The following GPC5 variants were observed in gnomAD, a reference collection of about 807,000 sequenced individuals.
The protein encoded by GPC5 is glypican-5.
GPC5 carries 47 observed loss-of-function variants against 53.9 expected under a neutral mutation model. The ratio of observed to expected loss-of-function variants is 0.87; its 90% CI spans 0.69 to 1.11. The LOEUF (loss-of-function observed/expected upper bound fraction) is 1.11, where lower values mean the gene tolerates loss of function less well. GPC5 is among the 50% of genes most tolerant of loss of function. The pLI, the probability that GPC5 is intolerant of heterozygous loss-of-function variation, is 0.00. For synonymous variants in GPC5, 286 were observed against 263.3 expected (o/e 1.09, Z -0.84); for missense variants, 748 against 713.1 (o/e 1.05, Z -0.56).
chr13:92,162,941 A>C (rs2042000804), intron 7 of GPC5, among the ~76,000 whole-genome samples: 1 of 152,136 alleles, frequency 6.6e-6, no homozygotes, highest in Admixed American at 6.6e-5. Flanking sequence ...ATATAATTAC[A>C]CTGAATTTAG....
chr13:92,369,577 C>G (rs1489970802), intron 7 of GPC5, among the ~76,000 whole-genome samples: 2 of 152,164 alleles, frequency 1.3e-5, no homozygotes, highest in African/African-American at 4.8e-5. Flanking sequence ...ATGAATGATA[C>G]AGTGGAGATG....
chr13:91,630,616 A>G (rs1049646459), intron 2 of GPC5, among the ~76,000 whole-genome samples: 1 of 152,146 alleles, frequency 6.6e-6, no homozygotes, highest in African/African-American at 2.4e-5. Flanking sequence ...GCATCTCTGC[A>G]CAGTATCAGA....
chr13:92,225,893 A>T (rs1435793219), intron 7 of GPC5, among the ~76,000 whole-genome samples: 1 of 152,194 alleles, frequency 6.6e-6, no homozygotes, highest in Non-Finnish European at 1.5e-5. Flanking sequence ...AATTCCAAAA[A>T]TAAAGAAAAC....
chr13:92,183,293 CCT>C (rs2042160888), intron 7 of GPC5, among the ~76,000 whole-genome samples: 1 of 152,062 alleles, frequency 6.6e-6, no homozygotes. Flanking sequence ...TAAGCTTTTT[CCT>C]CTGTCAACAT....
chr13:92,595,311 C>T (rs1025900264), intron 7 of GPC5, among the ~76,000 whole-genome samples: 1 of 152,190 alleles, frequency 6.6e-6, no homozygotes, highest in Non-Finnish European at 1.5e-5. Context: ...AGCCAGTATT[C>T]TGTCAATGAT....
chr13:92,249,307 C>A (rs1242837867), intron 7 of GPC5, among the ~76,000 whole-genome samples: 1 of 152,108 alleles, frequency 6.6e-6, no homozygotes, highest in Non-Finnish European at 1.5e-5. Flanking sequence ...CTAAAGTCTT[C>A]AAGTTTCATG....
At chr13:92,481,687 G>A (rs1879361704) in intron 7 of GPC5, among the ~76,000 whole-genome samples, 1 of 152,116 alleles carries the variant, frequency 6.6e-6, no homozygotes, top group Non-Finnish European at 1.5e-5. Context: ...TCTTGGAGCT[G>A]AGATGGGGGA....
At chr13:92,216,624 C>A (rs949286005) in intron 7 of GPC5, among the ~76,000 whole-genome samples, 14 of 152,138 alleles carry the variant, frequency 9.2e-5, no homozygotes, top group Non-Finnish European at 2.1e-4. Flanking sequence ...TACTCTGTGC[C>A]AGGCTCTGGG....
chr13:92,386,622 T>G (rs1338321117), intron 7 of GPC5, among the ~76,000 whole-genome samples: 1 of 152,050 alleles, frequency 6.6e-6, no homozygotes, highest in African/African-American at 2.4e-5. Context: ...GAAATAAATT[T>G]CCATCCTCTT....
chr13:91,432,232 T>G (rs1244400064), intron 1 of GPC5, among the ~76,000 whole-genome samples: 2 of 149,638 alleles, frequency 1.3e-5, no homozygotes, highest in African/African-American at 5.1e-5. Flanking sequence ...TGTGTGTGTG[T>G]GTGTGTGTGT....
chr13:91,676,651 G>A (rs2035391172), intron 2 of GPC5, among the ~76,000 whole-genome samples: 1 of 152,138 alleles, frequency 6.6e-6, no homozygotes, highest in Non-Finnish European at 1.5e-5. Flanking sequence ...GTGAATGTCT[G>A]AGTAACTTAA....
chr13:92,385,508 A>C (rs1303476275), intron 7 of GPC5, among the ~76,000 whole-genome samples: 2 of 138,608 alleles, frequency 1.4e-5, no homozygotes, highest in Admixed American at 7.4e-5. Flanking sequence ...ATACATATAC[A>C]TATATACATA....
At chr13:91,826,936 G>A (rs1444931087) in intron 5 of GPC5, among the ~76,000 whole-genome samples, 2 of 151,972 alleles carry the variant, frequency 1.3e-5, no homozygotes, top group Non-Finnish European at 2.9e-5. Flanking sequence ...CAGGAAAGGG[G>A]AGTGGGGAGG....
intron 7 of GPC5, among the ~76,000 whole-genome samples, chr13:92,761,506 A>G (rs1473407673): frequency 6.6e-6 from 1 of 152,128 alleles, no homozygotes; most frequent in Non-Finnish European, 1.5e-5. Flanking sequence ...CTTTAATTCA[A>G]AGTCTATTTT....
intron 7 of GPC5, among the ~76,000 whole-genome samples, chr13:92,562,641 A>T (rs779302386): frequency 6.6e-6 from 1 of 152,016 alleles, no homozygotes; most frequent in Non-Finnish European, 1.5e-5. Context: ...TTTCTTCAAT[A>T]TGCTGCGAAA....
chr13:91,836,667 A>G (rs1424588394), intron 5 of GPC5, among the ~76,000 whole-genome samples: 1 of 151,970 alleles, frequency 6.6e-6, no homozygotes, highest in East Asian at 1.9e-4. Context: ...ATACATTTTG[A>G]GGTTCATTTT....
rs1472388399 is a variant in GPC5, at chr13:91,544,432, GTGTT to G, written c.325+95514_325+95517del. Among the ~76,000 whole-genome samples, 4 of 152,252 alleles carry G rather than the reference GTGTT, an allele frequency of 2.6e-5. No individual in the cohort carries two copies. The East Asian group carries it at 7.7e-4, about 29-fold the overall frequency. ...TTGACTTTTGCTTTGCTGCGTGTCT[GTGTT>G]TGTGTACTGGTCTTTGTAGTGTCTA... On this transcript the variant is annotated intron_variant, in intron 2 of 7. Coordinates refer to ENST00000377067, the MANE Select transcript of GPC5 (RefSeq NM_004466.6).
intron 1 of GPC5, among the ~76,000 whole-genome samples, chr13:91,433,805 A>G (rs1028746404): frequency 5.3e-5 from 8 of 152,140 alleles, no homozygotes; most frequent in African/African-American, 1.7e-4. Flanking sequence ...GAACTAGTTT[A>G]TAGTCCCACC....
At chr13:92,661,633 A>T (rs553060184) in intron 7 of GPC5, among the ~76,000 whole-genome samples, 1 of 152,194 alleles carries the variant, frequency 6.6e-6, no homozygotes, top group Non-Finnish European at 1.5e-5. Flanking sequence ...CCTATTGCTC[A>T]ACATTTAGAA....
Sources: allele counts gnomAD v4.1 joint callset (sites outside exome capture counted in the v4.1 genomes callset), GRCh38; gene constraint gnomAD v4.1.1; transcripts MANE v1.5; gene names NCBI Gene and HGNC (gene_info 2026-07-23, HGNC 2026-07-21).